The following RAD54L variants were observed in gnomAD, a reference collection of about 807,000 sequenced individuals.
The protein encoded by RAD54L is RAD54 like.
RAD54L carries 74 observed loss-of-function variants against 91.6 expected under a neutral mutation model. The ratio of observed to expected loss-of-function variants is 0.81; its 90% CI spans 0.67 to 0.98. RAD54L has a LOEUF of 0.98. Ranked by LOEUF, RAD54L falls within the 50% of genes least tolerant of loss-of-function variation. The pLI is 0.00. For missense variants in RAD54L, 887 were observed against 945.7 expected, an observed-to-expected ratio of 0.94 and a Z score of 0.81; for synonymous variants, 304 against 349.7, an observed-to-expected ratio of 0.87 and a Z score of 1.46.
intron 8 of RAD54L, among the ~76,000 whole-genome samples, chr1:46,261,885 T>C (rs1266205554): frequency 6.6e-6 from 1 of 152,060 alleles, no homozygotes; most frequent in Non-Finnish European, 1.5e-5. Flanking sequence ...CCCAGCACTT[T>C]TTGAGAGGCT....
At chr1:46,276,549 A>T (rs1488989827) in intron 16 of RAD54L, among the ~76,000 whole-genome samples, 2 of 152,144 alleles carry the variant, frequency 1.3e-5, no homozygotes, top group Non-Finnish European at 2.9e-5. Context: ...TTCTCCTAAT[A>T]ACCAGATTCC....
rs2148276100 is a variant in RAD54L, at chr1:46,250,064, G to A, written c.155G>A (p.Arg52Gln). The change falls in exon 3 of 18, where the codon CGG (arginine) becomes CAG (glutamine). Residue 52 changes from arginine to glutamine, a missense_variant. Physicochemically the swap from Arg to Gln is conservative, Grantham distance 43. Coordinates refer to ENST00000371975, the MANE Select transcript of RAD54L (RefSeq NM_003579.4). ...QIQECFLSPF[R>Q]KPLSQLTNQP... Reference sequence around the variant, plus strand: ...CAGGAGTGTTTCCTGTCTCCTTTTCGGAAACCTTTGAGTCAGCTAACCAAT... The same window carrying A: ...CAGGAGTGTTTCCTGTCTCCTTTTCAGAAACCTTTGAGTCAGCTAACCAAT... 2.5e-6 allele frequency: 4 copies of A among 1,614,086 alleles called. No homozygotes were observed. Among genetic ancestry groups the A allele is most frequent in the East Asian group, 2.2e-5 (1 of 44,868 alleles).
At position 46,261,029 on chromosome 1, in the gene RAD54L, A is replaced by G. The variant is rs1340135074; in HGVS notation, c.766+14A>G. The G allele has an allele frequency of 6.2e-7, 1 of 1,611,426 alleles. No individual in the cohort carries two copies. Among genetic ancestry groups the G allele is most frequent in the South Asian group, 1.1e-5 (1 of 90,804 alleles). Reference sequence around the variant, plus strand: ...ACCAAAAGCTGGGTACGGAGCCCTAACAAAGATGGCTGCACTCTCCTGCAC... The same window carrying G: ...ACCAAAAGCTGGGTACGGAGCCCTAGCAAAGATGGCTGCACTCTCCTGCAC... On this transcript the variant is annotated intron_variant, in intron 7 of 17. Transcript: ENST00000371975.
In RAD54L at chr1:46,261,085, T is replaced by G. The variant is rs570161522; in HGVS notation, c.766+70T>G. On this transcript the variant is annotated intron_variant, in intron 7 of 17. Coordinates refer to ENST00000371975, the MANE Select transcript of RAD54L (RefSeq NM_003579.4). ...GCTGCTTTCTTACGTGTATGCTCAT[T>G]TATGGCCAGGGTGGAGGGCAATGCA... The G allele has an allele frequency of 6.1e-5, 97 of 1,578,238 alleles. No individual in the cohort carries two copies. In the African/African-American group the frequency reaches 1.2e-3, roughly 19 times the overall value.
At chr1:46,250,476 G>A (rs1571710513) in intron 3 of RAD54L, among the ~76,000 whole-genome samples, 1 of 152,152 alleles carries the variant, frequency 6.6e-6, no homozygotes, top group African/African-American at 2.4e-5. Context: ...CACCACCATG[G>A]CAGGTTCTGT....
At chr1:46,255,567 C>T (rs1218996767) in intron 3 of RAD54L, among the ~76,000 whole-genome samples, 1 of 141,410 alleles carries the variant, frequency 7.1e-6, no homozygotes, top group African/African-American at 2.6e-5. Flanking sequence ...GGCGCGATCT[C>T]GGCTCACTGC....
At position 46,259,955 on chromosome 1, in the gene RAD54L, G is replaced by C. The variant is rs376291270; in HGVS notation, c.272-9G>C. 2 of 1,614,094 alleles carry C rather than the reference G, an allele frequency of 1.2e-6. No homozygotes were observed. The highest frequency in any genetic ancestry group is 2.7e-5 in the African/African-American group (2 of 75,008). ...AGATTCAGGTGACGGAATGATTATT[G>C]GTTTGTAGGTCCTCTGGGCTCTCGA... is the stretch of plus-strand genomic sequence containing the variant. On this transcript the variant is annotated splice_polypyrimidine_tract_variant and intron_variant, in intron 4 of 17. Coordinates refer to ENST00000371975, the MANE Select transcript of RAD54L (RefSeq NM_003579.4).
chr1:46,257,141 CT>C (rs1659964601), intron 3 of RAD54L, among the ~76,000 whole-genome samples: 1 of 107,322 alleles, frequency 9.3e-6, no homozygotes, highest in South Asian at 3.4e-4. Context: ...AAGACTCCAT[CT>C]CAAAAAAAAA....
At position 46,278,270 on chromosome 1, in the gene RAD54L, G is replaced by T; in HGVS notation, c.2232G>T (p.Arg744=). ...ACCAGCGTTCTCATGAGGAGCAGCG[G>T]GGCCTCCGCTGATAACCAGCTGGTC... is the stretch of plus-strand genomic sequence containing the variant. ...VFHQRSHEEQ[R]GLR is the part of the protein sequence containing the mutation. Residue 744 remains arginine (R), a synonymous_variant, in exon 18 of 18, where the codon CGG becomes CGT. Coordinates refer to ENST00000371975, the MANE Select transcript of RAD54L (RefSeq NM_003579.4). The T allele has an allele frequency of 1.2e-6, 2 of 1,612,832 alleles. No individual in the cohort carries two copies. The highest frequency in any genetic ancestry group is 1.7e-6 in the Non-Finnish European group (2 of 1,179,652).
intron 16 of RAD54L, among the ~76,000 whole-genome samples, chr1:46,276,814 T>C (rs1188100168): frequency 6.6e-6 from 1 of 152,202 alleles, no homozygotes; most frequent in Non-Finnish European, 1.5e-5. Flanking sequence ...GTTTTTTGTT[T>C]TTTGAGATGG....
At chr1:46,273,568 G>C (rs1660499007) in intron 13 of RAD54L, 56 bp from the exon 14 acceptor site, 1 of 1,612,434 alleles carries the variant, frequency 6.2e-7, no homozygotes, top group African/African-American at 1.3e-5. Context: ...TCAAGAGTAA[G>C]AAGCCTGGGC....
Position 46,278,256 on chromosome 1 carries a change from C to T in RAD54L, c.2218C>T (p.His740Tyr). Reference sequence around the variant, plus strand: ...CACCTTCGTCTTCCACCAGCGTTCTCATGAGGAGCAGCGGGGCCTCCGCTG... The same window carrying T: ...CACCTTCGTCTTCCACCAGCGTTCTTATGAGGAGCAGCGGGGCCTCCGCTG... ...AITFVFHQRSHEEQRGLR is the reference protein window; with the variant it reads ...AITFVFHQRSYEEQRGLR The change falls in exon 18 of 18, where the codon CAT (histidine) becomes TAT (tyrosine). Residue 740 changes from histidine to tyrosine, a missense_variant. By Grantham distance (83) the His-to-Tyr change is moderately conservative. Transcript: ENST00000371975. 6.2e-7 allele frequency: 1 copy of T among 1,613,602 alleles called. No individual in the cohort carries two copies. The highest frequency in any genetic ancestry group is 8.5e-7 in the Non-Finnish European group (1 of 1,179,882).
chr1:46,257,658 C>T (rs1306609365), intron 3 of RAD54L, among the ~76,000 whole-genome samples: 1 of 152,204 alleles, frequency 6.6e-6, no homozygotes, highest in Non-Finnish European at 1.5e-5. Flanking sequence ...TCACCCTTGT[C>T]CCACTTGCTT....
chr1:46,274,530 C>G lies in RAD54L; in HGVS notation c.1690-8C>G. The G allele has an allele frequency of 6.2e-7, 1 of 1,612,422 alleles. No homozygotes were observed. Among genetic ancestry groups the G allele is most frequent in the Non-Finnish European group, 8.5e-7 (1 of 1,179,960 alleles). ...AGGTTCCTTTTCTCCTGTTTCTTCTCTTTCCAGAGCCCTGACTTTGTCTTC... is the reference window on the plus strand; with the variant it reads ...AGGTTCCTTTTCTCCTGTTTCTTCTGTTTCCAGAGCCCTGACTTTGTCTTC... On this transcript the variant is annotated splice_polypyrimidine_tract_variant and splice_region_variant and intron_variant, in intron 15 of 17. Coordinates refer to ENST00000371975, the MANE Select transcript of RAD54L (RefSeq NM_003579.4).
Position 46,254,617 on chromosome 1 carries a change from C to A in RAD54L, c.211-4069C>A, listed in dbSNP as rs563574509. Among the ~76,000 whole-genome samples, 3 of 140,386 alleles carry A rather than the reference C, an allele frequency of 2.1e-5. No individual in the cohort carries two copies. In the Admixed American group the frequency reaches 2.3e-4, roughly 11 times the overall value. 92.1% of individuals were successfully genotyped at this position (140,386 alleles called of 152,430 possible). On this transcript the variant is annotated intron_variant, in intron 3 of 17. Transcript: ENST00000371975. The stretch of plus-strand genomic sequence containing the variant: ...TTTTTTTTTTTTCCTGAGACAGGGT[C>A]TTGCTGTGTCACCCAGGCTGGAATG...
intron 8 of RAD54L, among the ~76,000 whole-genome samples, chr1:46,261,846 G>C (rs551663160): frequency 6.6e-6 from 1 of 152,256 alleles, no homozygotes; most frequent in East Asian, 1.9e-4. Flanking sequence ...TTTAAAGGGG[G>C]GCTGGCCACG....
intron 4 of RAD54L, 70 bp from the exon 5 acceptor site, chr1:46,259,894 A>G (rs1364883313): frequency 1.9e-6 from 3 of 1,604,588 alleles, no homozygotes; most frequent in South Asian, 2.2e-5. Context: ...GTGAAGGACA[A>G]GTATTTGAGC....
intron 3 of RAD54L, among the ~76,000 whole-genome samples, chr1:46,256,083 C>CT (rs1042824698): frequency 1.7e-4 from 26 of 148,742 alleles, no homozygotes; most frequent in Non-Finnish European, 2.4e-4. Context: ...TTAAGAGTAG[C>CT]TTTTTTTTTT....
intron 10 of RAD54L, 105 bp from the exon 11 acceptor site, chr1:46,272,355 TTTAATA>T: frequency 3.0e-6 from 3 of 1,011,898 alleles, no homozygotes; most frequent in Non-Finnish European, 4.7e-6. Flanking sequence ...GTCTCTGACA[TTTAATA>T]CTGTAAAAGA....
Sources: gnomAD v4.1 joint callset for allele counts (sites outside exome capture counted in the v4.1 genomes callset) on GRCh38, gnomAD v4.1.1 for gene constraint, MANE v1.5 for transcripts, NCBI Gene and HGNC (gene_info 2026-07-23, HGNC 2026-07-21) for gene names.